Variants in NALF1 observed in about 807,000 individuals in gnomAD.
NALF1 encodes NALCN channel auxiliary factor 1.
NALF1 carries 3 observed loss-of-function variants against 48.4 expected under a neutral mutation model. That is an observed-to-expected ratio of 0.06 (90% CI 0.03 to 0.16). NALF1 has a LOEUF of 0.16. NALF1 is among the 10% of genes least tolerant of loss of function. The pLI, the probability that NALF1 is intolerant of heterozygous loss-of-function variation, is 1.00. For synonymous variants in NALF1, 262 were observed against 245.7 expected, an observed-to-expected ratio of 1.07 and a Z score of -0.62; for missense variants, 526 against 571.5, an observed-to-expected ratio of 0.92 and a Z score of 0.81.
intron 1 of NALF1, among the ~76,000 whole-genome samples, chr13:107,734,359 T>A (rs1397310494): frequency 6.6e-6 from 1 of 150,946 alleles, no homozygotes; most frequent in Admixed American, 6.7e-5. Context: ...TCATCTGCAA[T>A]GTTGCACTGA....
intron 1 of NALF1, among the ~76,000 whole-genome samples, chr13:107,309,642 C>T (rs1327832070): frequency 6.6e-6 from 1 of 152,174 alleles, no homozygotes; most frequent in Non-Finnish European, 1.5e-5. Context: ...GTGGCTTAAA[C>T]TTAATGTGGA....
chr13:107,387,065 G>A (rs1436925430), intron 1 of NALF1, among the ~76,000 whole-genome samples: 1 of 152,140 alleles, frequency 6.6e-6, no homozygotes, highest in Non-Finnish European at 1.5e-5. Flanking sequence ...AACTTCAGTA[G>A]CTGCTTCAAA....
At chr13:107,170,992 A>ATATT (rs1878792073) in intron 2 of NALF1, among the ~76,000 whole-genome samples, 1 of 152,214 alleles carries the variant, frequency 6.6e-6, no homozygotes, top group Admixed American at 6.5e-5. Flanking sequence ...TTGTTCTTTT[A>ATATT]TATTCCTGCC....
chr13:107,490,470 G>A (rs531555430), intron 1 of NALF1, among the ~76,000 whole-genome samples: 3 of 152,212 alleles, frequency 2.0e-5, no homozygotes, highest in African/African-American at 7.2e-5. Flanking sequence ...AACAGAATAC[G>A]AAATACTGCA....
chr13:107,175,591 ATTC>A (rs1235047628), intron 2 of NALF1, among the ~76,000 whole-genome samples: 1 of 152,100 alleles, frequency 6.6e-6, no homozygotes, highest in Non-Finnish European at 1.5e-5. Context: ...TTTCTACATC[ATTC>A]TTCTCTGACT....
At chr13:107,832,763 G>A (rs1034917514) in intron 1 of NALF1, among the ~76,000 whole-genome samples, 9 of 152,008 alleles carry the variant, frequency 5.9e-5, no homozygotes, top group African/African-American at 1.5e-4. Context: ...CCTCTGTCTC[G>A]CTAATTACAA....
chr13:107,365,228 A>G (rs1883133861), intron 1 of NALF1, among the ~76,000 whole-genome samples: 1 of 151,804 alleles, frequency 6.6e-6, no homozygotes, highest in South Asian at 2.1e-4. Flanking sequence ...GACGTTTGAA[A>G]AGGCACAGAA....
intron 1 of NALF1, among the ~76,000 whole-genome samples, chr13:107,857,184 C>T (rs573157048): frequency 6.6e-6 from 1 of 152,302 alleles, no homozygotes; most frequent in African/African-American, 2.4e-5. Flanking sequence ...ACCAGGTTTG[C>T]CTTGTCTGGT....
At chr13:107,262,815 A>C (rs1245735442) in intron 1 of NALF1, among the ~76,000 whole-genome samples, 2 of 142,120 alleles carry the variant, frequency 1.4e-5, no homozygotes, top group Non-Finnish European at 3.0e-5. Flanking sequence ...AAGCAACATC[A>C]CTTCATTGTA....
chr13:107,308,767 T>A (rs1013630015), intron 1 of NALF1, among the ~76,000 whole-genome samples: 1 of 152,218 alleles, frequency 6.6e-6, no homozygotes, highest in Non-Finnish European at 1.5e-5. Flanking sequence ...ATCCTGAATA[T>A]GAAAACTATT....
chr13:107,215,107 C>G (rs1210269791), intron 1 of NALF1, among the ~76,000 whole-genome samples: 3 of 152,152 alleles, frequency 2.0e-5, no homozygotes, highest in Non-Finnish European at 4.4e-5. Flanking sequence ...GACCACCTAG[C>G]TGAGCCTCTG....
At chr13:107,303,940 C>A (rs1358130201) in intron 1 of NALF1, among the ~76,000 whole-genome samples, 1 of 152,064 alleles carries the variant, frequency 6.6e-6, no homozygotes, top group East Asian at 1.9e-4. Flanking sequence ...TTTGCAAAAT[C>A]AATCCAAATA....
chr13:107,524,760 G>T (rs903594159), intron 1 of NALF1, among the ~76,000 whole-genome samples: 2 of 152,014 alleles, frequency 1.3e-5, no homozygotes, highest in African/African-American at 4.8e-5. Flanking sequence ...CTCGACCTTG[G>T]CAATTTCAGG....
intron 1 of NALF1, among the ~76,000 whole-genome samples, chr13:107,741,845 A>G (rs960471358): frequency 9.9e-5 from 15 of 152,226 alleles, no homozygotes; most frequent in Non-Finnish European, 1.5e-4. Flanking sequence ...TCTCTAGTTT[A>G]TCAATGAACA....
intron 1 of NALF1, among the ~76,000 whole-genome samples, chr13:107,501,882 A>G (rs1875536334): frequency 6.6e-6 from 1 of 152,204 alleles, no homozygotes; most frequent in Non-Finnish European, 1.5e-5. Context: ...TTTTTCAGGT[A>G]AACAAATGAA....
intron 1 of NALF1, among the ~76,000 whole-genome samples, chr13:107,420,398 T>C (rs1323674): frequency 0.23 from 34,617 of 152,124 alleles, 4,217 homozygotes; most frequent in Middle Eastern, 0.29. Flanking sequence ...AATAATTATG[T>C]TAATTGTATA....
intron 1 of NALF1, among the ~76,000 whole-genome samples, chr13:107,787,421 G>A (rs1171291471): frequency 2.6e-5 from 4 of 152,208 alleles, no homozygotes; most frequent in Admixed American, 6.5e-5. Flanking sequence ...GTAATGCAAA[G>A]TCAGACACAT....
rs1850543265 is a variant in NALF1 at position 107,165,041 on chromosome 13, C to G, written c.*5456G>C. The G allele has an allele frequency of 6.6e-6, 1 of 152,186 alleles. No individual in the cohort carries two copies. Among genetic ancestry groups the G allele is most frequent in the Non-Finnish European group, 1.5e-5 (1 of 68,032 alleles). The allele number at this position is 152,186 out of a possible 1,614,324, so 9.4% of individuals were successfully genotyped here. Reference sequence around the variant, plus strand: ...CACGTACAAATACATCATTGACCTCCCTGTGTCACCTGGAGCCAAAGCTCA... The same window carrying G: ...CACGTACAAATACATCATTGACCTCGCTGTGTCACCTGGAGCCAAAGCTCA... On this transcript the variant is annotated 3_prime_UTR_variant, in exon 3 of 3. Coordinates refer to ENST00000375915, the MANE Select transcript of NALF1 (RefSeq NM_001080396.3).
chr13:107,838,888 C>T (rs1879974816), intron 1 of NALF1, among the ~76,000 whole-genome samples: 1 of 152,136 alleles, frequency 6.6e-6, no homozygotes, highest in African/African-American at 2.4e-5. Context: ...TATCACATTT[C>T]ACTTGTGAGT....
Sources: gnomAD v4.1 joint callset for allele counts (sites outside exome capture counted in the v4.1 genomes callset) on GRCh38, gnomAD v4.1.1 for gene constraint, MANE v1.5 for transcripts, NCBI Gene and HGNC (gene_info 2026-07-23, HGNC 2026-07-21) for gene names.